The following CSMD1 variants were observed in gnomAD, a reference collection of about 807,000 sequenced individuals.
The protein encoded by CSMD1 is CUB and sushi domain-containing protein 1.
In CSMD1, 213 loss-of-function variants were observed where a neutral mutation model predicts 417.5. The observed-to-expected ratio is 0.51, with a 90% CI of 0.46 to 0.57. CSMD1 has a LOEUF of 0.57. Among genes scored for constraint, CSMD1 ranks in the 20% least tolerant of loss-of-function variants. The probability of loss-of-function intolerance (pLI) is 0.00; values close to 1 mark genes in which losing one functional copy is unlikely to be tolerated. For synonymous variants in CSMD1, 2,862 were observed against 1,736.8 expected (o/e 1.65, Z -16.11); for missense variants, 6,923 against 4,529.7 (o/e 1.53, Z -15.17).
chr8:3,121,319 A>C (rs901477850), intron 41 of CSMD1, among the ~76,000 whole-genome samples: 1 of 152,200 alleles, frequency 6.6e-6, no homozygotes, highest in African/African-American at 2.4e-5. Context: ...ATTTTCATTT[A>C]TGCAATGATA....
intron 3 of CSMD1, among the ~76,000 whole-genome samples, chr8:4,065,230 A>G (rs895896333): frequency 6.6e-6 from 1 of 152,200 alleles, no homozygotes; most frequent in South Asian, 2.1e-4. Context: ...CTAAACACAT[A>G]AACAATTACA....
At chr8:3,634,981 G>C (rs1283453954) in intron 7 of CSMD1, among the ~76,000 whole-genome samples, 1 of 152,012 alleles carries the variant, frequency 6.6e-6, no homozygotes, top group Non-Finnish European at 1.5e-5. Flanking sequence ...TAACACAATG[G>C]TAAGAAATTT....
In CSMD1 at chr8:2,945,300, G is replaced by T. The variant is rs576633503; in HGVS notation, c.10403-2696C>A. Among the ~76,000 whole-genome samples, 4 of 151,976 alleles carry T rather than the reference G, an allele frequency of 2.6e-5. No homozygotes were observed. The South Asian group carries it at 8.3e-4, about 32-fold the overall frequency. ...ATATTATTTGCATTTTGCTTATGTGGCTTTTAACCTTAACAGTCTATTTAT... is the reference window on the plus strand; with the variant it reads ...ATATTATTTGCATTTTGCTTATGTGTCTTTTAACCTTAACAGTCTATTTAT... On this transcript the variant is annotated intron_variant, in intron 68 of 69. Transcript: ENST00000635120.
chr8:3,074,316 C>T (rs184278369), intron 49 of CSMD1, among the ~76,000 whole-genome samples: 43 of 152,330 alleles, frequency 2.8e-4, no homozygotes, highest in Non-Finnish European at 1.6e-4. Flanking sequence ...GTCCTACAAT[C>T]TGAGCACATT....
chr8:3,189,027 A>G lies in CSMD1; in HGVS notation c.5399-16T>C. On this transcript the variant is annotated splice_polypyrimidine_tract_variant and intron_variant, in intron 34 of 69. Transcript: ENST00000635120. ...CTGCAGGGTACTAAAAGACACAACC[A>G]TATGTCATGAAATAAAGTGCTGTGG... is the stretch of plus-strand genomic sequence containing the variant. 3.1e-6 allele frequency: 5 copies of G among 1,605,016 alleles called. No individual in the cohort carries two copies. Among genetic ancestry groups the G allele is most frequent in the South Asian group, 1.1e-5 (1 of 89,360 alleles).
chr8:3,638,472 G>C (rs1026301440), intron 7 of CSMD1, among the ~76,000 whole-genome samples: 1 of 151,972 alleles, frequency 6.6e-6, no homozygotes, highest in African/African-American at 2.4e-5. Context: ...CTGAAATTCT[G>C]AAACCTGGAG....
At chr8:4,755,499 T>C (rs1472823356) in intron 1 of CSMD1, among the ~76,000 whole-genome samples, 1 of 152,224 alleles carries the variant, frequency 6.6e-6, no homozygotes, top group African/African-American at 2.4e-5. Flanking sequence ...GGCATAACGT[T>C]AAAATTGATG....
At chr8:3,694,153 G>C (rs1056413978) in intron 7 of CSMD1, among the ~76,000 whole-genome samples, 1 of 152,024 alleles carries the variant, frequency 6.6e-6, no homozygotes, top group Non-Finnish European at 1.5e-5. Flanking sequence ...GTACATGCTG[G>C]AGAGGGGCTC....
At chr8:3,647,061 T>A (rs1023504710) in intron 7 of CSMD1, among the ~76,000 whole-genome samples, 1 of 152,172 alleles carries the variant, frequency 6.6e-6, no homozygotes, top group Non-Finnish European at 1.5e-5. Flanking sequence ...CAGCTCAGGT[T>A]TTCTTTTGTG....
chr8:4,892,629 GA>G (rs1563691459), intron 1 of CSMD1, among the ~76,000 whole-genome samples: 1 of 152,024 alleles, frequency 6.6e-6, no homozygotes, highest in East Asian at 1.9e-4. Flanking sequence ...CCTTAGACGT[GA>G]ACACTTAACT....
chr8:3,600,974 C>A (rs192628774), intron 8 of CSMD1, among the ~76,000 whole-genome samples: 5 of 152,162 alleles, frequency 3.3e-5, no homozygotes, highest in Non-Finnish European at 7.3e-5. Flanking sequence ...ATGTAAAGAA[C>A]TATTCCAAGG....
chr8:4,978,900 T>G (rs1172310324), intron 1 of CSMD1, among the ~76,000 whole-genome samples: 2 of 152,178 alleles, frequency 1.3e-5, no homozygotes, highest in Non-Finnish European at 2.9e-5. Context: ...ATTGTGCCAC[T>G]GCACTCCAGC....
At chr8:3,724,399 G>A (rs904664669) in intron 6 of CSMD1, among the ~76,000 whole-genome samples, 2 of 151,930 alleles carry the variant, frequency 1.3e-5, no homozygotes, top group African/African-American at 2.4e-5. Flanking sequence ...AATTTCTAAA[G>A]GAGTATTGTC....
chr8:4,751,153 G>C (rs1248082726), intron 1 of CSMD1, among the ~76,000 whole-genome samples: 3 of 152,222 alleles, frequency 2.0e-5, no homozygotes, highest in African/African-American at 7.2e-5. Context: ...GGGAGGCCGA[G>C]GTGGGTGGAT....
At chr8:3,107,124 A>G (rs1444904886) in intron 45 of CSMD1, 1 of 155,214 alleles carries the variant, frequency 6.4e-6, no homozygotes, top group Non-Finnish European at 1.4e-5. Flanking sequence ...AGAGTTTTAT[A>G]ACTGGGGCTG....
chr8:4,898,317 T>G (rs1273563985), intron 1 of CSMD1, among the ~76,000 whole-genome samples: 1 of 152,142 alleles, frequency 6.6e-6, no homozygotes, highest in Non-Finnish European at 1.5e-5. Context: ...CCTGTCATCT[T>G]TGACAGGGTC....
At chr8:3,714,589 C>T (rs899826065) in intron 6 of CSMD1, among the ~76,000 whole-genome samples, 2 of 26,848 alleles carry the variant, frequency 7.4e-5, no homozygotes, top group Non-Finnish European at 1.6e-4. Flanking sequence ...AAATTAGCCC[C>T]AGCCAGGCAT....
chr8:3,522,186 T>G (rs914796229), intron 10 of CSMD1, among the ~76,000 whole-genome samples: 1 of 152,160 alleles, frequency 6.6e-6, no homozygotes, highest in Non-Finnish European at 1.5e-5. Flanking sequence ...ATGTGAAAAA[T>G]CGTTATATGA....
At chr8:4,457,370 G>A (rs535475332) in intron 2 of CSMD1, among the ~76,000 whole-genome samples, 9 of 152,160 alleles carry the variant, frequency 5.9e-5, no homozygotes, top group African/African-American at 2.2e-4. Context: ...GAAGTGATTG[G>A]GGCTTCCCGA....
Sources: allele counts gnomAD v4.1 joint callset (sites outside exome capture counted in the v4.1 genomes callset), GRCh38; gene constraint gnomAD v4.1.1; transcripts MANE v1.5; gene names NCBI Gene and HGNC (gene_info 2026-07-23, HGNC 2026-07-21).